PPP4R3B: variants seen among roughly 807,000 people sequenced by gnomAD.
The protein encoded by PPP4R3B is protein phosphatase 4 regulatory subunit 3B.
A neutral mutation model predicts 95.4 loss-of-function variants in PPP4R3B; 52 were observed. That is an observed-to-expected ratio of 0.54 (90% CI 0.44 to 0.69). PPP4R3B has a LOEUF of 0.69. PPP4R3B is among the 30% of genes least tolerant of loss of function. PPP4R3B has a pLI of 0.00. For missense variants in PPP4R3B, 1,003 were observed against 1,005.9 expected (o/e 1.00, Z 0.04); for synonymous variants, 407 against 343.9 (o/e 1.18, Z -2.03).
At chr2:55,561,959 T>C (rs1434144085) in intron 15 of PPP4R3B, among the ~76,000 whole-genome samples, 2 of 152,098 alleles carry the variant, frequency 1.3e-5, no homozygotes, top group African/African-American at 4.8e-5. Context: ...GACATGAAAT[T>C]AGGGAGGGAC....
At chr2:55,606,641 G>A (rs550830872) in intron 2 of PPP4R3B, among the ~76,000 whole-genome samples, 27 of 152,014 alleles carry the variant, frequency 1.8e-4, no homozygotes, top group African/African-American at 6.5e-4. Flanking sequence ...GGCCAACATG[G>A]TTGAAACCCC....
At chr2:55,600,016 CTT>C (rs879124421) in intron 3 of PPP4R3B, among the ~76,000 whole-genome samples, 1 of 152,158 alleles carries the variant, frequency 6.6e-6, no homozygotes, top group Non-Finnish European at 1.5e-5. Context: ...TATCTTTGCT[CTT>C]GTTTTTATAA....
At chr2:55,577,046 A>T (rs1450121516) in intron 11 of PPP4R3B, among the ~76,000 whole-genome samples, 2 of 152,230 alleles carry the variant, frequency 1.3e-5, no homozygotes, top group African/African-American at 2.4e-5. Flanking sequence ...ACATTTCAAA[A>T]ATAAGAACTA....
At chr2:55,578,648 A>G (rs1422074589) in intron 9 of PPP4R3B, among the ~76,000 whole-genome samples, 2 of 152,048 alleles carry the variant, frequency 1.3e-5, no homozygotes, top group Non-Finnish European at 2.9e-5. Context: ...TTTTCCTACC[A>G]CAAACAATGC....
intron 2 of PPP4R3B, among the ~76,000 whole-genome samples, chr2:55,611,037 T>C (rs1409048913): frequency 6.6e-6 from 1 of 152,146 alleles, no homozygotes; most frequent in Non-Finnish European, 1.5e-5. Flanking sequence ...AGCTAATTTA[T>C]ATTTTTTGCA....
chr2:55,617,183 G>A lies in PPP4R3B; in HGVS notation c.103C>T (p.Leu35Phe). 1 of 1,613,634 alleles carries A rather than the reference G, an allele frequency of 6.2e-7. No individual in the cohort carries two copies. The highest frequency in any genetic ancestry group is 8.5e-7 in the Non-Finnish European group (1 of 1,179,736). Residue 35 changes from leucine to phenylalanine, a missense_variant, in exon 1 of 17, where the codon CTC becomes TTC. By Grantham distance (22) the Leu-to-Phe change is conservative. This residue lies in a region of PPP4R3B where 695 missense variants were observed against 686.2 expected (regional missense o/e 1.01). Transcript: ENST00000616407. ...GHVSSTYVEE[L>F]KGMSLLVRAE... ...CGAACCAGCAGCGACATCCCCTTGAGCTCCTCCACGTAAGTGGAGGAGACG... is the reference window on the plus strand; with the variant it reads ...CGAACCAGCAGCGACATCCCCTTGAACTCCTCCACGTAAGTGGAGGAGACG...
chr2:55,552,351 C>A (rs1041084141), intron 16 of PPP4R3B, among the ~76,000 whole-genome samples: 25 of 152,008 alleles, frequency 1.6e-4, no homozygotes, highest in Non-Finnish European at 2.1e-4. Context: ...GATGTCAGTA[C>A]ATAAAGTTCC....
intron 16 of PPP4R3B, among the ~76,000 whole-genome samples, chr2:55,556,679 G>C (rs1013376568): frequency 1.3e-5 from 2 of 151,674 alleles, no homozygotes; most frequent in African/African-American, 4.8e-5. Flanking sequence ...TACTGAGAAG[G>C]TGTCAAGCAG....
At chr2:55,557,059 T>TAAC (rs965597544) in intron 16 of PPP4R3B, among the ~76,000 whole-genome samples, 6 of 147,638 alleles carry the variant, frequency 4.1e-5, no homozygotes, top group Admixed American at 2.7e-4. Context: ...TGAGACTCTG[T>TAAC]AACAACAACG....
intron 15 of PPP4R3B, among the ~76,000 whole-genome samples, chr2:55,563,248 C>T (rs528109382): frequency 1.7e-4 from 26 of 152,234 alleles, no homozygotes; most frequent in Non-Finnish European, 3.1e-4. Context: ...TGAGTACGAA[C>T]AATAGTTTCA....
chr2:55,589,745 C>G (rs1445903031), intron 4 of PPP4R3B, among the ~76,000 whole-genome samples: 1 of 150,956 alleles, frequency 6.6e-6, no homozygotes, highest in Non-Finnish European at 1.5e-5. Flanking sequence ...AAAACCCTGT[C>G]TCTACTAAAA....
chr2:55,569,985 A>G (rs1471191584), intron 12 of PPP4R3B, among the ~76,000 whole-genome samples: 1 of 151,752 alleles, frequency 6.6e-6, no homozygotes, highest in African/African-American at 2.4e-5. Flanking sequence ...ACACTATTCT[A>G]CTTCTCCTTG....
rs781573158 is a variant in PPP4R3B, at chr2:55,586,638, G to C, written c.1096C>G (p.Pro366Ala). ...ATTACCATTACAATTTCAAGAGCAG[G>C]AAGAATTCCCAATTTTGCCAATGTT... ...FKTLAKLGILPALEIVMGMDD... is the reference protein window; with the variant it reads ...FKTLAKLGILAALEIVMGMDD... The change falls in exon 6 of 17, where the codon CCT becomes GCT. Residue 366 changes from proline to alanine, a missense_variant. Physicochemically the swap from Pro to Ala is conservative, Grantham distance 27. Coordinates refer to ENST00000616407, the MANE Select transcript of PPP4R3B (RefSeq NM_001122964.3). The C allele has an allele frequency of 9.4e-6, 15 of 1,600,980 alleles. No individual in the cohort carries two copies. Among genetic ancestry groups the C allele is most frequent in the African/African-American group, 1.3e-5 (1 of 74,644 alleles).
chr2:55,557,216 A>G (rs886611479), intron 16 of PPP4R3B, among the ~76,000 whole-genome samples: 3 of 152,206 alleles, frequency 2.0e-5, no homozygotes, highest in African/African-American at 4.8e-5. Context: ...TTTTTTGAGC[A>G]GGGTCTCATT....
intron 4 of PPP4R3B, among the ~76,000 whole-genome samples, chr2:55,590,662 A>C (rs1399456029): frequency 6.6e-6 from 1 of 152,216 alleles, no homozygotes; most frequent in Non-Finnish European, 1.5e-5. Context: ...ATTCATTTTT[A>C]TGAAATGTAA....
chr2:55,561,681 A>G (rs1281354347), intron 15 of PPP4R3B, among the ~76,000 whole-genome samples: 1 of 152,260 alleles, frequency 6.6e-6, no homozygotes, highest in Non-Finnish European at 1.5e-5. Flanking sequence ...AGATTTAAAG[A>G]CTGCCCTGCT....
chr2:55,606,363 C>T (rs1693391010), intron 2 of PPP4R3B, among the ~76,000 whole-genome samples: 1 of 152,074 alleles, frequency 6.6e-6, no homozygotes, highest in Non-Finnish European at 1.5e-5. Flanking sequence ...TATACCCAAA[C>T]ATAACAGTGG....
intron 9 of PPP4R3B, 100 bp downstream of exon 9, chr2:55,579,579 C>T (rs1689162549): frequency 4.4e-6 from 3 of 679,226 alleles, no homozygotes; most frequent in Admixed American, 3.5e-5. Flanking sequence ...TCGTAATCTC[C>T]CTGTCTTATA....
intron 11 of PPP4R3B, among the ~76,000 whole-genome samples, chr2:55,574,750 T>G (rs1179487172): frequency 6.9e-6 from 1 of 145,172 alleles, no homozygotes; most frequent in Admixed American, 6.9e-5. Context: ...CCCGCCACCA[T>G]GCCCAGCTAA....
Sources: allele counts gnomAD v4.1 joint callset (sites outside exome capture counted in the v4.1 genomes callset), GRCh38; gene constraint gnomAD v4.1.1; regional missense constraint gnomAD v4.1.1; transcripts MANE v1.5; gene names NCBI Gene and HGNC (gene_info 2026-07-23, HGNC 2026-07-21).